KLHL18: variants seen among roughly 807,000 people sequenced by gnomAD.
KLHL18 encodes the protein kelch like family member 18.
A neutral mutation model predicts 58.5 loss-of-function variants in KLHL18; 38 were observed. The observed-to-expected ratio is 0.65, with a 90% CI of 0.50 to 0.85. The LOEUF is 0.85. Among genes scored for constraint, KLHL18 ranks in the 40% least tolerant of loss-of-function variants. The pLI, the probability that KLHL18 is intolerant of heterozygous loss-of-function variation, is 0.00. For missense variants in KLHL18, 624 were observed against 778.4 expected (o/e 0.80, Z 2.36); for synonymous variants, 303 against 301.9 (o/e 1.00, Z -0.04).
intron 7 of KLHL18, among the ~76,000 whole-genome samples, chr3:47,339,508 G>T (rs1027244950): frequency 2.5e-4 from 36 of 145,508 alleles, no homozygotes; most frequent in African/African-American, 8.6e-4. Context: ...AAAAAAAAAA[G>T]AAAATAACAA....
chr3:47,325,496 C>T (rs1301457073), intron 3 of KLHL18, among the ~76,000 whole-genome samples: 1 of 152,060 alleles, frequency 6.6e-6, no homozygotes, highest in African/African-American at 2.4e-5. Context: ...CACGCCCAGC[C>T]GAGGGTGCAT....
chr3:47,340,707 G>A (rs374876048), intron 8 of KLHL18, 31 bp downstream of exon 8: 28 of 1,612,844 alleles, frequency 1.7e-5, no homozygotes, highest in Non-Finnish European at 2.2e-5. Context: ...GGGGCAACTG[G>A]AGCTTATAAA....
Position 47,345,958 on chromosome 3 carries a change from T to C in KLHL18, c.*2017T>C, listed in dbSNP as rs1290440542. ...ATATCGGATGTCGTTTAACCTGGGC[T>C]CGTGGTAGGGCTCCAGCATTTCTCC... On this transcript the variant is annotated 3_prime_UTR_variant, in exon 10 of 10. Coordinates refer to ENST00000232766, the MANE Select transcript of KLHL18 (RefSeq NM_025010.5). The C allele has an allele frequency of 6.6e-6, 1 of 152,512 alleles. No homozygotes were observed. Among genetic ancestry groups the C allele is most frequent in the African/African-American group, 2.4e-5 (1 of 41,422 alleles). The allele number at this position is 152,512 out of a possible 1,614,324, so 9.4% of individuals were successfully genotyped here.
intron 7 of KLHL18, chr3:47,338,110 A>T (rs990436419): frequency 2.0e-5 from 3 of 152,212 alleles, no homozygotes; most frequent in African/African-American, 7.2e-5. Context: ...CATCCCACAC[A>T]GCTGTCTGTT....
At chr3:47,317,999 G>A (rs966398621) in intron 1 of KLHL18, among the ~76,000 whole-genome samples, 5 of 152,112 alleles carry the variant, frequency 3.3e-5, no homozygotes, top group Non-Finnish European at 2.9e-5. Flanking sequence ...GACCCAAGTA[G>A]CTGGGATTAC....
At chr3:47,324,715 A>G (rs77674229) in intron 3 of KLHL18, among the ~76,000 whole-genome samples, 4,916 of 152,116 alleles carry the variant, frequency 0.032, 128 homozygotes, top group Non-Finnish European at 0.045. Flanking sequence ...GCTCACATCT[A>G]TAGTCCCAGC....
intron 1 of KLHL18, among the ~76,000 whole-genome samples, chr3:47,296,808 G>A (rs1702906425): frequency 6.6e-6 from 1 of 152,204 alleles, no homozygotes; most frequent in South Asian, 2.1e-4. Context: ...GAGCAAGGTG[G>A]AAGGTGGGAT....
chr3:47,336,762 T>A lies in KLHL18; in HGVS notation c.1121+5T>A, dbSNP rs1241115459. On this transcript the variant is annotated splice_donor_5th_base_variant and intron_variant, in intron 7 of 9. Coordinates refer to ENST00000232766, the MANE Select transcript of KLHL18 (RefSeq NM_025010.5). Reference sequence around the variant, plus strand: ...GAGCATGAATAGCAAGAGAAGGTATTCTGGAAGCCACGTGCAGCCCGAACA... The same window carrying A: ...GAGCATGAATAGCAAGAGAAGGTATACTGGAAGCCACGTGCAGCCCGAACA... 6.2e-7 allele frequency: 1 copy of A among 1,611,744 alleles called. No homozygotes were observed. The highest frequency in any genetic ancestry group is 8.5e-7 in the Non-Finnish European group (1 of 1,177,990).
Position 47,319,803 on chromosome 3 carries a change from G to T in KLHL18, c.260+20G>T. On this transcript the variant is annotated intron_variant, in intron 2 of 9. Transcript: ENST00000232766. Reference sequence around the variant, plus strand: ...CCCAAGGTACTGAATCCCACCATTAGGTTTCGCAGGCTGCTTTCCAAGTGC... The same window carrying T: ...CCCAAGGTACTGAATCCCACCATTATGTTTCGCAGGCTGCTTTCCAAGTGC... The T allele has an allele frequency of 6.2e-7, 1 of 1,611,110 alleles. No individual in the cohort carries two copies. The highest frequency in any genetic ancestry group is 1.3e-5 in the African/African-American group (1 of 75,010).
intron 1 of KLHL18, among the ~76,000 whole-genome samples, chr3:47,293,102 G>GGAAT (rs1702825006): frequency 6.6e-6 from 1 of 152,110 alleles, no homozygotes; most frequent in Non-Finnish European, 1.5e-5. Context: ...GACAGAAAGT[G>GGAAT]GAATGATGGT....
chr3:47,310,138 G>A (rs1703264859), intron 1 of KLHL18, among the ~76,000 whole-genome samples: 1 of 152,164 alleles, frequency 6.6e-6, no homozygotes, highest in Non-Finnish European at 1.5e-5. Context: ...GGGAACACCT[G>A]TCTCAGATTA....
chr3:47,310,860 C>T (rs1343029311), intron 1 of KLHL18, among the ~76,000 whole-genome samples: 2 of 152,164 alleles, frequency 1.3e-5, no homozygotes, highest in African/African-American at 4.8e-5. Flanking sequence ...CCATCCAGGC[C>T]GAGCTCAGCT....
chr3:47,316,727 G>A (rs71615460), intron 1 of KLHL18, among the ~76,000 whole-genome samples: 520 of 2,098 alleles, frequency 0.25, 17 homozygotes, highest in South Asian at 0.56. Context: ...ATATGTGTGT[G>A]TATATATACA....
intron 1 of KLHL18, among the ~76,000 whole-genome samples, chr3:47,284,635 C>G (rs1702628786): frequency 6.6e-6 from 1 of 152,122 alleles, no homozygotes; most frequent in African/African-American, 2.4e-5. Flanking sequence ...CCGCGCCCAG[C>G]CTGCTCTTCT....
At chr3:47,332,003 C>G (rs937257178) in intron 4 of KLHL18, among the ~76,000 whole-genome samples, 1 of 152,156 alleles carries the variant, frequency 6.6e-6, no homozygotes, top group African/African-American at 2.4e-5. Flanking sequence ...CTGAAATTCT[C>G]TTCTGATTTT....
chr3:47,287,726 C>T (rs183952215), intron 1 of KLHL18, among the ~76,000 whole-genome samples: 1 of 152,224 alleles, frequency 6.6e-6, no homozygotes, highest in East Asian at 1.9e-4. Flanking sequence ...CTCAAGTGAT[C>T]TGCCTGCCTC....
intron 3 of KLHL18, among the ~76,000 whole-genome samples, chr3:47,329,598 C>G (rs1288740317): frequency 6.6e-6 from 1 of 152,188 alleles, no homozygotes; most frequent in African/African-American, 2.4e-5. Flanking sequence ...AGATAATGCC[C>G]TGGACACTCA....
intron 1 of KLHL18, among the ~76,000 whole-genome samples, chr3:47,305,537 A>G (rs1703126870): frequency 6.6e-6 from 1 of 151,848 alleles, no homozygotes; most frequent in African/African-American, 2.4e-5. Flanking sequence ...GGATTTTTGC[A>G]TATATATTCA....
intron 4 of KLHL18, among the ~76,000 whole-genome samples, chr3:47,331,582 G>A (rs941132678): frequency 4.0e-5 from 6 of 151,214 alleles, no homozygotes; most frequent in South Asian, 2.1e-4. Context: ...ACAGGTGTGC[G>A]CCATCATGCC....
Sources: allele counts gnomAD v4.1 joint callset (sites outside exome capture counted in the v4.1 genomes callset), GRCh38; gene constraint gnomAD v4.1.1; transcripts MANE v1.5; gene names NCBI Gene and HGNC (gene_info 2026-07-23, HGNC 2026-07-21).